CD28: variants seen among roughly 807,000 people sequenced by gnomAD.
CD28 encodes T-cell-specific surface glycoprotein CD28.
A neutral mutation model predicts 21.4 loss-of-function variants in CD28; 8 were observed. The observed-to-expected ratio is 0.37, with a 90% CI of 0.22 to 0.68. CD28 has a LOEUF of 0.68. Among genes scored for constraint, CD28 ranks in the 30% least tolerant of loss-of-function variants. The pLI, the probability that CD28 is intolerant of heterozygous loss-of-function variation, is 0.55. For synonymous variants in CD28, 106 were observed against 104.0 expected (o/e 1.02, Z -0.12); for missense variants, 239 against 272.2 (o/e 0.88, Z 0.86).
intron 1 of CD28, among the ~76,000 whole-genome samples, chr2:203,711,204 G>A (rs537765431): frequency 6.6e-6 from 1 of 152,148 alleles, no homozygotes. Context: ...GAAGCTGGGG[G>A]GAAGGTAACC....
intron 1 of CD28, among the ~76,000 whole-genome samples, chr2:203,711,404 A>G (rs1271601920): frequency 1.3e-5 from 2 of 152,198 alleles, no homozygotes; most frequent in Non-Finnish European, 2.9e-5. Context: ...AGGCATGTTT[A>G]TTTAGTCTCG....
Position 203,726,968 on chromosome 2 carries a change from G to T in CD28, c.388G>T (p.Gly130Ter). 6.3e-7 allele frequency: 1 copy of T among 1,597,450 alleles called. No individual in the cohort carries two copies. Among genetic ancestry groups the T allele is most frequent in the Non-Finnish European group, 8.6e-7 (1 of 1,164,956 alleles). Residue 130 changes from glycine to a stop codon, truncating the protein, a stop_gained, in exon 2 of 4, where the codon GGA becomes TGA. Coordinates refer to ENST00000324106, the MANE Select transcript of CD28 (RefSeq NM_006139.4). LOFTEE classifies it high-confidence loss of function. Reference sequence around the variant, plus strand: ...TTACCTAGACAATGAGAAGAGCAATGGAACCATTATCCATGTGAAAGGTAA... The same window carrying T: ...TTACCTAGACAATGAGAAGAGCAATTGAACCATTATCCATGTGAAAGGTAA... Reference protein sequence around the residue: ...PPYLDNEKSNGTIIHVKGKHL... With the variant: ...PPYLDNEKSN
chr2:203,734,706 T>G, intron 3 of CD28, 78 bp from the exon 4 acceptor site: 1 of 1,535,842 alleles, frequency 6.5e-7, no homozygotes, highest in Non-Finnish European at 9.0e-7. Context: ...CAGTTAATAT[T>G]ATGAATAGTT....
intron 1 of CD28, among the ~76,000 whole-genome samples, chr2:203,716,122 C>G (rs973381531): frequency 6.6e-6 from 1 of 152,160 alleles, no homozygotes; most frequent in African/African-American, 2.4e-5. Flanking sequence ...TTTCTTGGCT[C>G]CCCATGACTG....
intron 1 of CD28, among the ~76,000 whole-genome samples, chr2:203,722,491 T>A (rs1285562923): frequency 6.6e-6 from 1 of 152,220 alleles, no homozygotes; most frequent in African/African-American, 2.4e-5. Flanking sequence ...AATGAGATGG[T>A]AGTCAAACCT....
chr2:203,726,541 C>T (rs915122362), intron 1 of CD28, 92 bp from the exon 2 acceptor site: 2 of 851,754 alleles, frequency 2.3e-6, no homozygotes, highest in East Asian at 4.9e-5. Context: ...TGCTGGAGAT[C>T]TGTTCATTTA....
Position 203,723,811 on chromosome 2 carries a change from G to T in CD28, c.53-2822G>T, listed in dbSNP as rs549224194. ...GCTGGTGAGAATGTACAATGGTGCA[G>T]TTGCTTTGGCAACAGTTTGACGATT... On this transcript the variant is annotated intron_variant, in intron 1 of 3. Coordinates refer to ENST00000324106, the MANE Select transcript of CD28 (RefSeq NM_006139.4). 3.5e-4 allele frequency among the ~76,000 whole-genome samples: 54 copies of T among 152,314 alleles called. 2 individuals are homozygous for T. The South Asian group carries it at 0.011, about 32-fold the overall frequency.
At chr2:203,725,426 A>G (rs1392400014) in intron 1 of CD28, among the ~76,000 whole-genome samples, 2 of 151,940 alleles carry the variant, frequency 1.3e-5, no homozygotes, top group South Asian at 4.2e-4. Flanking sequence ...TTTGCTCACC[A>G]TTTGTTTGGT....
At chr2:203,721,198 G>A (rs1008926781) in intron 1 of CD28, among the ~76,000 whole-genome samples, 1 of 152,146 alleles carries the variant, frequency 6.6e-6, no homozygotes, top group African/African-American at 2.4e-5. Context: ...CAAAGAAGAG[G>A]GAGGAAAGTA....
chr2:203,734,977 A>G lies in CD28; in HGVS notation c.*65A>G. ...CATCTGCTCAATATCACTGCTCTGGATAGGAAATGACCGCCATCTCCAGCC... is the reference window on the plus strand; with the variant it reads ...CATCTGCTCAATATCACTGCTCTGGGTAGGAAATGACCGCCATCTCCAGCC... On this transcript the variant is annotated 3_prime_UTR_variant, in exon 4 of 4. Transcript: ENST00000324106. 1 of 1,563,026 alleles carries G rather than the reference A, an allele frequency of 6.4e-7. No individual in the cohort carries two copies. The highest frequency in any genetic ancestry group is 8.7e-7 in the Non-Finnish European group (1 of 1,153,134).
At chr2:203,727,033 T>C in intron 2 of CD28, 44 bp downstream of exon 2, 1 of 1,232,990 alleles carries the variant, frequency 8.1e-7, no homozygotes, top group Non-Finnish European at 1.2e-6. Flanking sequence ...AGTAATGGTT[T>C]TCAAATGCAG....
At chr2:203,709,735 T>C (rs1451252904) in intron 1 of CD28, among the ~76,000 whole-genome samples, 1 of 152,200 alleles carries the variant, frequency 6.6e-6, no homozygotes, top group African/African-American at 2.4e-5. Flanking sequence ...ATACTTGACA[T>C]TGGTCACATG....
chr2:203,724,845 C>G (rs1256237022), intron 1 of CD28, among the ~76,000 whole-genome samples: 1 of 152,170 alleles, frequency 6.6e-6, no homozygotes, highest in Non-Finnish European at 1.5e-5. Flanking sequence ...TTTGGCTCTT[C>G]AGTGTGGGTA....
At chr2:203,711,189 T>G (rs570088078) in intron 1 of CD28, among the ~76,000 whole-genome samples, 18 of 152,322 alleles carry the variant, frequency 1.2e-4, no homozygotes, top group Non-Finnish European at 1.8e-4. Context: ...TGAGAATTGG[T>G]GCCTGAAGCT....
chr2:203,709,697 T>C (rs534413325), intron 1 of CD28, among the ~76,000 whole-genome samples: 13 of 152,344 alleles, frequency 8.5e-5, no homozygotes, highest in Non-Finnish European at 1.8e-4. Context: ...TGCTCTGGGA[T>C]TGATGATAGA....
chr2:203,731,312 T>A (rs1370492079), intron 3 of CD28, among the ~76,000 whole-genome samples: 1 of 152,216 alleles, frequency 6.6e-6, no homozygotes, highest in African/African-American at 2.4e-5. Flanking sequence ...CTAACTTTGA[T>A]CCTCTGGTGT....
intron 1 of CD28, among the ~76,000 whole-genome samples, chr2:203,713,301 A>C (rs1042152053): frequency 6.6e-6 from 1 of 152,172 alleles, no homozygotes; most frequent in African/African-American, 2.4e-5. Context: ...ATGAAGCTGG[A>C]GTTATGGGAA....
chr2:203,709,786 C>A (rs143369008), intron 1 of CD28, among the ~76,000 whole-genome samples: 1 of 152,288 alleles, frequency 6.6e-6, no homozygotes, highest in Non-Finnish European at 1.5e-5. Flanking sequence ...GCCTAATCAT[C>A]CAGTGTGAAG....
rs1182971043 is a variant in CD28 at position 203,729,724 on chromosome 2, C to T, written c.486C>T (p.Val162=). 6.2e-7 allele frequency: 1 copy of T among 1,614,090 alleles called. No homozygotes were observed. The highest frequency in any genetic ancestry group is 8.5e-7 in the Non-Finnish European group (1 of 1,179,956). ...GGGTGCTGGTGGTGGTTGGTGGAGT[C>T]CTGGCTTGCTATAGCTTGCTAGTAA... is the stretch of plus-strand genomic sequence containing the variant. The part of the protein sequence containing the change: ...PFWVLVVVGG[V]LACYSLLVTV... Residue 162 remains valine (V), a synonymous_variant, in exon 3 of 4, where the codon GTC becomes GTT. Coordinates refer to ENST00000324106, the MANE Select transcript of CD28 (RefSeq NM_006139.4).
Sources: gnomAD v4.1 joint callset for allele counts (sites outside exome capture counted in the v4.1 genomes callset) on GRCh38, gnomAD v4.1.1 for gene constraint, MANE v1.5 for transcripts, NCBI Gene and HGNC (gene_info 2026-07-23, HGNC 2026-07-21) for gene names.